The following HSD17B12 variants were observed in gnomAD, a reference collection of about 807,000 sequenced individuals.
HSD17B12 encodes hydroxysteroid 17-beta dehydrogenase 12.
In HSD17B12, 32 loss-of-function variants were observed where a neutral mutation model predicts 39.3. That is an observed-to-expected ratio of 0.81 (90% CI 0.61 to 1.09). The LOEUF (loss-of-function observed/expected upper bound fraction) is 1.09, where lower values mean the gene tolerates loss of function less well. Among genes scored for constraint, HSD17B12 ranks in the 50% least tolerant of loss-of-function variants. HSD17B12 has a pLI of 0.00. For missense variants in HSD17B12, 342 were observed against 382.9 expected, an observed-to-expected ratio of 0.89 and a Z score of 0.89; for synonymous variants, 150 against 146.7, an observed-to-expected ratio of 1.02 and a Z score of -0.16.
intron 1 of HSD17B12, among the ~76,000 whole-genome samples, chr11:43,686,470 C>CT (rs1388426000): frequency 6.6e-6 from 1 of 152,054 alleles, no homozygotes; most frequent in African/African-American, 2.4e-5. Context: ...AAAAGCATAC[C>CT]TTTATTTGAT....
chr11:43,561,032 T>A, the HSD17B12 span, among the ~76,000 whole-genome samples: 1 of 152,160 alleles, frequency 6.6e-6, no homozygotes, highest in Admixed American at 6.5e-5. Context: ...CTATCACAGC[T>A]TTGAGGGGAG....
chr11:43,741,758 G>T (rs1950366917), intron 1 of HSD17B12, among the ~76,000 whole-genome samples: 1 of 144,708 alleles, frequency 6.9e-6, no homozygotes. Context: ...TTTTGAGACG[G>T]GGTCTCGCTT....
At chr11:43,805,809 G>C (rs1158128586) in intron 4 of HSD17B12, among the ~76,000 whole-genome samples, 1 of 152,096 alleles carries the variant, frequency 6.6e-6, no homozygotes, top group Non-Finnish European at 1.5e-5. Flanking sequence ...ACTGCCCTCA[G>C]TTCACATGCT....
intron 3 of HSD17B12, among the ~76,000 whole-genome samples, chr11:43,790,909 G>A (rs888476779): frequency 1.2e-4 from 18 of 151,760 alleles, no homozygotes; most frequent in African/African-American, 3.4e-4. Flanking sequence ...CAGGAGAATC[G>A]CTTGAACCCA....
intron 4 of HSD17B12, among the ~76,000 whole-genome samples, chr11:43,800,673 A>G (rs1047643683): frequency 6.6e-6 from 1 of 152,204 alleles, no homozygotes; most frequent in Non-Finnish European, 1.5e-5. Flanking sequence ...ATACATAAAT[A>G]CTGATATTTG....
At chr11:43,691,662 A>G (rs1949864316) in intron 1 of HSD17B12, among the ~76,000 whole-genome samples, 1 of 152,162 alleles carries the variant, frequency 6.6e-6, no homozygotes, top group African/African-American at 2.4e-5. Flanking sequence ...TTACACATAC[A>G]GGTCAGAAGT....
intron 1 of HSD17B12, among the ~76,000 whole-genome samples, chr11:43,729,320 G>C (rs1256963282): frequency 6.6e-6 from 1 of 152,074 alleles, no homozygotes; most frequent in East Asian, 1.9e-4. Context: ...TCTTGTGAAG[G>C]GATTGAAGGT....
the HSD17B12 span, among the ~76,000 whole-genome samples, chr11:43,592,972 G>A: frequency 1.5e-4 from 23 of 152,160 alleles, no homozygotes; most frequent in African/African-American, 5.6e-4. Context: ...CAGCTAGGAA[G>A]TAACTTGGAG....
At chr11:43,584,507 C>T in the HSD17B12 span, 1 of 152,488 alleles carries the variant, frequency 6.6e-6, no homozygotes, top group Admixed American at 6.5e-5. Context: ...CAATCACTCC[C>T]ATTCTCCTTC....
the HSD17B12 span, among the ~76,000 whole-genome samples, chr11:43,589,564 T>C: frequency 6.6e-6 from 1 of 152,348 alleles, no homozygotes; most frequent in Middle Eastern, 3.4e-3. Flanking sequence ...CCTTTCTACA[T>C]TTCCACTTTC....
At chr11:43,787,486 C>T (rs1227873849) in intron 3 of HSD17B12, among the ~76,000 whole-genome samples, 1 of 151,942 alleles carries the variant, frequency 6.6e-6, no homozygotes, top group Non-Finnish European at 1.5e-5. Flanking sequence ...CCTATAATCC[C>T]AACACTGTGG....
upstream of HSD17B12, among the ~76,000 whole-genome samples, chr11:43,677,672 C>G (rs1180699732): frequency 8.2e-6 from 1 of 122,676 alleles, no homozygotes; most frequent in African/African-American, 2.9e-5. Flanking sequence ...CAATTCCCAC[C>G]TATGAGTGAG....
the HSD17B12 span, among the ~76,000 whole-genome samples, chr11:43,667,429 C>T: frequency 6.6e-6 from 1 of 152,074 alleles, no homozygotes; most frequent in Non-Finnish European, 1.5e-5. Flanking sequence ...TGGGATGAAC[C>T]ACACCGCACC....
At chr11:43,662,199 C>CTT in the HSD17B12 span, among the ~76,000 whole-genome samples, 390 of 124,744 alleles carry the variant, frequency 3.1e-3, 1 homozygote, top group Non-Finnish European at 4.0e-3. Context: ...GCCCACGTCT[C>CTT]TTTTTTTTTT....
At chr11:43,785,000 T>A (rs1182970314) in intron 3 of HSD17B12, among the ~76,000 whole-genome samples, 1 of 152,190 alleles carries the variant, frequency 6.6e-6, no homozygotes, top group Non-Finnish European at 1.5e-5. Flanking sequence ...TTTTGCTTCT[T>A]AAGGCTATTG....
At chr11:43,617,454 C>T in the HSD17B12 span, among the ~76,000 whole-genome samples, 1 of 152,080 alleles carries the variant, frequency 6.6e-6, no homozygotes, top group Non-Finnish European at 1.5e-5. Flanking sequence ...GTTTCCACAT[C>T]TTTAGCTGAG....
chr11:43,735,720 A>C (rs888817055), intron 1 of HSD17B12, among the ~76,000 whole-genome samples: 1 of 152,184 alleles, frequency 6.6e-6, no homozygotes, highest in Admixed American at 6.5e-5. Flanking sequence ...ATGTTTTCAC[A>C]CTGCTGTAAA....
chr11:43,674,942 G>A, the HSD17B12 span, among the ~76,000 whole-genome samples: 8 of 152,076 alleles, frequency 5.3e-5, no homozygotes, highest in African/African-American at 1.4e-4. Context: ...TTCTTTGTAC[G>A]TATTACAATT....
chr11:43,681,976 A>G (rs1949750312), intron 1 of HSD17B12, among the ~76,000 whole-genome samples: 1 of 151,466 alleles, frequency 6.6e-6, no homozygotes, highest in Non-Finnish European at 1.5e-5. Flanking sequence ...TTGATGTTTT[A>G]TAATCGAATG....
Sources: gnomAD v4.1 joint callset for allele counts (sites outside exome capture counted in the v4.1 genomes callset) on GRCh38, gnomAD v4.1.1 for gene constraint, MANE v1.5 for transcripts, NCBI Gene and HGNC (gene_info 2026-07-23, HGNC 2026-07-21) for gene names.